The following CA10 variants were observed in gnomAD, a reference collection of about 807,000 sequenced individuals.
CA10 encodes the protein carbonic anhydrase 10 (inactive), also known as carbonic anhydrase-related protein 10.
In CA10, 14 loss-of-function variants were observed where a neutral mutation model predicts 44.2. The observed-to-expected ratio is 0.32, with a 90% CI of 0.21 to 0.50. CA10 has a LOEUF of 0.50. Ranked by LOEUF, CA10 falls within the 20% of genes least tolerant of loss-of-function variation. CA10 has a pLI of 0.99. For synonymous variants in CA10, 159 were observed against 141.6 expected (o/e 1.12, Z -0.87); for missense variants, 350 against 409.7 (o/e 0.85, Z 1.26).
At chr17:52,006,360 AT>A (rs1321651650) in intron 2 of CA10, among the ~76,000 whole-genome samples, 29 of 151,848 alleles carry the variant, frequency 1.9e-4, no homozygotes, top group African/African-American at 7.0e-4. Context: ...AAATATCACA[AT>A]AAAAATTTCA....
chr17:51,801,178 T>C (rs942939501), intron 3 of CA10, among the ~76,000 whole-genome samples: 1 of 152,204 alleles, frequency 6.6e-6, no homozygotes, highest in African/African-American at 2.4e-5. Flanking sequence ...AAGAGACATC[T>C]GGTCCCCAGT....
rs1264197239 is a variant in CA10, at chr17:51,717,749, GTATA to G, written c.465+29880_465+29883del. ...TATACATATATACGTATATATACAT[GTATA>G]TATACGTATATATGTATACATATAT... On this transcript the variant is annotated intron_variant, in intron 4 of 8. Coordinates refer to ENST00000451037, the MANE Select transcript of CA10 (RefSeq NM_020178.5). Among the ~76,000 whole-genome samples the G allele has an allele frequency of 1.9e-3, 66 of 34,670 alleles. 17 individuals are homozygous for G. The highest frequency in any genetic ancestry group is 6.8e-3 in the African/African-American group (60 of 8,814). 22.7% of individuals were successfully genotyped at this position (34,670 alleles called of 152,430 possible). A position where few individuals can be genotyped will look rare whatever the true frequency, so the allele number is the denominator to read the frequency against.
At chr17:51,951,808 C>A (rs969178374) in intron 2 of CA10, among the ~76,000 whole-genome samples, 1 of 152,150 alleles carries the variant, frequency 6.6e-6, no homozygotes, top group Non-Finnish European at 1.5e-5. Context: ...CCTCGTGGAA[C>A]CTGCTGAGGT....
intron 3 of CA10, among the ~76,000 whole-genome samples, chr17:51,809,769 G>T (rs566567598): frequency 6.6e-6 from 1 of 152,312 alleles, no homozygotes; most frequent in Admixed American, 6.5e-5. Context: ...CATGATCATG[G>T]TGCTGGGGTG....
chr17:52,073,030 C>T (rs1472614943), intron 1 of CA10, among the ~76,000 whole-genome samples: 1 of 152,118 alleles, frequency 6.6e-6, no homozygotes, highest in Non-Finnish European at 1.5e-5. Context: ...TGACAGTTGA[C>T]AAGTGAATTG....
chr17:51,916,668 C>T (rs1249126295), intron 3 of CA10, among the ~76,000 whole-genome samples: 2 of 152,136 alleles, frequency 1.3e-5, no homozygotes, highest in East Asian at 1.9e-4. Flanking sequence ...AATTACCCAG[C>T]CTTGGGTATA....
chr17:51,862,502 C>T (rs1979356987), intron 3 of CA10, among the ~76,000 whole-genome samples: 1 of 151,868 alleles, frequency 6.6e-6, no homozygotes, highest in Non-Finnish European at 1.5e-5. Flanking sequence ...AGACAGGATG[C>T]CTTACAGTAA....
chr17:51,671,257 G>C (rs543535443), intron 4 of CA10, among the ~76,000 whole-genome samples: 1 of 152,190 alleles, frequency 6.6e-6, no homozygotes, highest in African/African-American at 2.4e-5. Context: ...CCTGCCCTGA[G>C]CTGTCCCTCA....
chr17:52,071,906 G>A (rs1456045711), intron 2 of CA10, among the ~76,000 whole-genome samples: 3 of 152,154 alleles, frequency 2.0e-5, no homozygotes, highest in African/African-American at 7.2e-5. Context: ...ATTTTTAGCT[G>A]ATACTTGGCG....
At chr17:52,136,294 T>C (rs1989356298) in intron 1 of CA10, among the ~76,000 whole-genome samples, 1 of 152,214 alleles carries the variant, frequency 6.6e-6, no homozygotes, top group South Asian at 2.1e-4. Context: ...AGAATATTTA[T>C]CTTCGCTCTG....
chr17:51,701,390 C>T (rs543063822), intron 4 of CA10, among the ~76,000 whole-genome samples: 1 of 152,184 alleles, frequency 6.6e-6, no homozygotes, highest in East Asian at 1.9e-4. Flanking sequence ...AAGACCCTGG[C>T]TCCAAATAAG....
intron 3 of CA10, among the ~76,000 whole-genome samples, chr17:51,869,379 C>G (rs1281838827): frequency 6.6e-6 from 1 of 152,152 alleles, no homozygotes; most frequent in Non-Finnish European, 1.5e-5. Flanking sequence ...TCACTTTGTG[C>G]TGGGGGCTGA....
chr17:52,149,534 AC>A (rs2143407770), intron 1 of CA10, among the ~76,000 whole-genome samples: 1 of 152,084 alleles, frequency 6.6e-6, no homozygotes, highest in Non-Finnish European at 1.5e-5. Flanking sequence ...AAACCTTCCC[AC>A]CCCAACCCCT....
intron 1 of CA10, among the ~76,000 whole-genome samples, chr17:52,133,754 ACT>A: frequency 6.6e-6 from 1 of 152,158 alleles, no homozygotes. Flanking sequence ...ATGAATTGTG[ACT>A]CTGGATATTA....
At chr17:52,122,465 A>T (rs1265110603) in intron 1 of CA10, among the ~76,000 whole-genome samples, 2 of 152,252 alleles carry the variant, frequency 1.3e-5, no homozygotes, top group Non-Finnish European at 2.9e-5. Flanking sequence ...TTGATTTTTT[A>T]AAAATGTTTT....
intron 4 of CA10, among the ~76,000 whole-genome samples, chr17:51,726,466 G>A (rs766563854): frequency 7.9e-5 from 12 of 152,186 alleles, no homozygotes; most frequent in Non-Finnish European, 1.5e-4. Context: ...AAAACGATAA[G>A]TGTGCAAGAT....
intron 2 of CA10, among the ~76,000 whole-genome samples, chr17:51,975,139 A>G (rs1208345289): frequency 6.6e-6 from 1 of 152,188 alleles, no homozygotes; most frequent in East Asian, 1.9e-4. Flanking sequence ...CAAAAATGTC[A>G]ATAAAGGAGA....
At chr17:51,908,449 C>T (rs535110034) in intron 3 of CA10, among the ~76,000 whole-genome samples, 2 of 152,280 alleles carry the variant, frequency 1.3e-5, no homozygotes, top group East Asian at 3.9e-4. Flanking sequence ...TTCTTTTCTT[C>T]TGCCCTGGTA....
chr17:51,944,368 T>C (rs1983195612), intron 2 of CA10, among the ~76,000 whole-genome samples: 2 of 152,304 alleles, frequency 1.3e-5, no homozygotes, highest in Admixed American at 6.5e-5. Context: ...AACCAGACCC[T>C]GCCCCTCAAT....
Sources: gnomAD v4.1 joint callset for allele counts (sites outside exome capture counted in the v4.1 genomes callset) on GRCh38, gnomAD v4.1.1 for gene constraint, MANE v1.5 for transcripts, NCBI Gene and HGNC (gene_info 2026-07-23, HGNC 2026-07-21) for gene names.